DLGAP1: variants seen among roughly 807,000 people sequenced by gnomAD.
DLGAP1 encodes DLG associated protein 1.
Under a neutral mutation model 90.8 loss-of-function variants are expected in DLGAP1, and 11 were observed. That is an observed-to-expected ratio of 0.12 (90% CI 0.08 to 0.20). The LOEUF is 0.20. DLGAP1 is among the 10% of genes least tolerant of loss of function. The pLI, the probability that DLGAP1 is intolerant of heterozygous loss-of-function variation, is 1.00. For missense variants in DLGAP1, 1,050 were observed against 1,333.8 expected (o/e 0.79, Z 3.31); for synonymous variants, 558 against 540.7 (o/e 1.03, Z -0.44).
At chr18:4,199,226 C>A (rs1281960070) in intron 1 of DLGAP1, among the ~76,000 whole-genome samples, 3 of 152,320 alleles carry the variant, frequency 2.0e-5, no homozygotes, top group South Asian at 2.1e-4. Flanking sequence ...GGAGGGTGGG[C>A]CTCCCACTCA....
chr18:3,559,686 G>A (rs527484996), intron 9 of DLGAP1, among the ~76,000 whole-genome samples: 30 of 145,704 alleles, frequency 2.1e-4, no homozygotes, highest in Non-Finnish European at 3.6e-4. Flanking sequence ...GCAGTGGCAC[G>A]ATCTCAGCTC....
chr18:4,357,367 T>G (rs2081544380), intron 1 of DLGAP1, among the ~76,000 whole-genome samples: 2 of 152,034 alleles, frequency 1.3e-5, no homozygotes, highest in South Asian at 4.2e-4. Flanking sequence ...TTAATTAGGC[T>G]GGTCTCTAAC....
At chr18:4,220,219 A>G (rs1474281915) in intron 1 of DLGAP1, among the ~76,000 whole-genome samples, 1 of 152,054 alleles carries the variant, frequency 6.6e-6, no homozygotes, top group African/African-American at 2.4e-5. Context: ...AGTATTTTGT[A>G]TGCTGTTTTG....
In DLGAP1 at chr18:4,084,721, C is replaced by A. The variant is rs1024643411; in HGVS notation, c.-159+66459G>T. On this transcript the variant is annotated intron_variant, in intron 2 of 12. Transcript: ENST00000315677. This position sits in a 1 kb window ranked among gnomAD's most constrained non-coding sequence, Gnocchi z 4.0. Reference sequence around the variant, plus strand: ...CTTAGCATAAAAATACATGGGGTTACTTATTTCTTTGGGCTTTCATTTCCT... The same window carrying A: ...CTTAGCATAAAAATACATGGGGTTAATTATTTCTTTGGGCTTTCATTTCCT... Among the ~76,000 whole-genome samples, 1 of 152,172 alleles carries A rather than the reference C, an allele frequency of 6.6e-6. No homozygotes were observed. The highest frequency in any genetic ancestry group is 1.5e-5 in the Non-Finnish European group (1 of 68,024).
intron 5 of DLGAP1, among the ~76,000 whole-genome samples, chr18:3,794,534 C>A (rs972739955): frequency 1.3e-5 from 2 of 152,232 alleles, no homozygotes; most frequent in African/African-American, 4.8e-5. Context: ...TCAGTCAGCA[C>A]TGACCATGGG....
intron 1 of DLGAP1, among the ~76,000 whole-genome samples, chr18:4,413,038 G>A (rs921531674): frequency 1.3e-5 from 2 of 152,170 alleles, no homozygotes; most frequent in Non-Finnish European, 2.9e-5. Context: ...GAATTCACTG[G>A]GGCGTTTTTG....
At chr18:4,179,034 C>G (rs1395387030) in intron 1 of DLGAP1, among the ~76,000 whole-genome samples, 1 of 152,080 alleles carries the variant, frequency 6.6e-6, no homozygotes, top group Non-Finnish European at 1.5e-5. Flanking sequence ...TGATTCCTAT[C>G]CTAAAACAAT....
At chr18:3,762,235 T>C (rs866461218) in intron 5 of DLGAP1, among the ~76,000 whole-genome samples, 3 of 152,324 alleles carry the variant, frequency 2.0e-5, no homozygotes, top group Middle Eastern at 3.4e-3. Context: ...GAAAAACAAT[T>C]TCATAAGCAG....
intron 1 of DLGAP1, among the ~76,000 whole-genome samples, chr18:4,186,269 C>T (rs577724318): frequency 6.6e-6 from 1 of 152,260 alleles, no homozygotes; most frequent in Admixed American, 6.5e-5. Flanking sequence ...AGTGCAGAAG[C>T]TGTTAAGTTT....
At chr18:4,203,078 C>A (rs2077638902) in intron 1 of DLGAP1, among the ~76,000 whole-genome samples, 1 of 151,924 alleles carries the variant, frequency 6.6e-6, no homozygotes, top group Non-Finnish European at 1.5e-5. Context: ...AGTTCGAGAC[C>A]AGCCTGGCCA....
rs188549602 is a variant in DLGAP1, at chr18:4,049,416, C to T, written c.-158-44215G>A. Reference sequence around the variant, plus strand: ...TTCCCGTCTCCTCCTCCCATGCAGCCGAGGCACTCATGCTGGCCGTCACAC... The same window carrying T: ...TTCCCGTCTCCTCCTCCCATGCAGCTGAGGCACTCATGCTGGCCGTCACAC... On this transcript the variant is annotated intron_variant, in intron 2 of 12. Transcript: ENST00000315677. 4.1e-3 allele frequency among the ~76,000 whole-genome samples: 621 copies of T among 152,068 alleles called. 10 individuals are homozygous for T. The highest frequency in any genetic ancestry group is 0.036 in the Admixed American group (544 of 15,272).
At chr18:4,452,711 C>T (rs1022669289) in intron 1 of DLGAP1, among the ~76,000 whole-genome samples, 3 of 152,090 alleles carry the variant, frequency 2.0e-5, no homozygotes, top group Non-Finnish European at 4.4e-5. Context: ...CGCTAATATG[C>T]TTTTACTGGG....
chr18:4,019,902 G>A (rs2074581985), intron 2 of DLGAP1, among the ~76,000 whole-genome samples: 1 of 151,836 alleles, frequency 6.6e-6, no homozygotes, highest in South Asian at 2.1e-4. Context: ...ACCTATAAAG[G>A]GCATATAATT....
chr18:4,026,886 C>T (rs560983218), intron 2 of DLGAP1, among the ~76,000 whole-genome samples: 14 of 152,250 alleles, frequency 9.2e-5, no homozygotes, highest in Non-Finnish European at 1.8e-4. Flanking sequence ...GGTTTAGGCA[C>T]TAAGCTGCTG....
intron 2 of DLGAP1, among the ~76,000 whole-genome samples, chr18:4,010,916 C>T (rs2074405991): frequency 6.6e-6 from 1 of 151,832 alleles, no homozygotes; most frequent in African/African-American, 2.4e-5. Flanking sequence ...TGGCTCACAC[C>T]TGTAATCCCA....
At chr18:4,214,328 G>T (rs778368067) in intron 1 of DLGAP1, among the ~76,000 whole-genome samples, 1 of 151,102 alleles carries the variant, frequency 6.6e-6, no homozygotes, top group South Asian at 2.1e-4. Flanking sequence ...TTTTTTGGTG[G>T]GGGGAAAAGG....
chr18:4,410,497 G>A (rs976185758), intron 1 of DLGAP1, among the ~76,000 whole-genome samples: 6 of 152,058 alleles, frequency 3.9e-5, no homozygotes, highest in Admixed American at 1.3e-4. Context: ...CATATATTAA[G>A]TATCCCATTT....
At chr18:4,410,807 G>A (rs1306890523) in intron 1 of DLGAP1, among the ~76,000 whole-genome samples, 3 of 152,062 alleles carry the variant, frequency 2.0e-5, no homozygotes, top group Non-Finnish European at 2.9e-5. Context: ...CGACAACATC[G>A]ATGGATCTCA....
intron 9 of DLGAP1, among the ~76,000 whole-genome samples, chr18:3,560,160 C>T (rs1453576002): frequency 6.6e-6 from 1 of 151,638 alleles, no homozygotes; most frequent in Non-Finnish European, 1.5e-5. Flanking sequence ...GTGGCTCACG[C>T]CTGTAATCCC....
Sources: allele counts gnomAD v4.1 joint callset (sites outside exome capture counted in the v4.1 genomes callset), GRCh38; gene constraint gnomAD v4.1.1; non-coding constraint Gnocchi (gnomAD v3.1); transcripts MANE v1.5; gene names NCBI Gene and HGNC (gene_info 2026-07-23, HGNC 2026-07-21).